The following KCNB2 variants were observed in gnomAD, a reference collection of about 807,000 sequenced individuals.
KCNB2 encodes the protein potassium voltage-gated channel subfamily B member 2, also known as delayed rectifier potassium channel protein.
Under a neutral mutation model 61.5 loss-of-function variants are expected in KCNB2, and 15 were observed. The observed-to-expected ratio is 0.24, with a 90% CI of 0.16 to 0.38. The LOEUF is 0.38. Among genes scored for constraint, KCNB2 ranks in the 10% least tolerant of loss-of-function variants. The pLI is 1.00. For missense variants in KCNB2, 828 were observed against 1,125.2 expected (o/e 0.74, Z 3.78); for synonymous variants, 457 against 446.0 (o/e 1.02, Z -0.31).
At chr8:72,802,565 C>CAAG (rs1473499382) in intron 2 of KCNB2, among the ~76,000 whole-genome samples, 15 of 152,208 alleles carry the variant, frequency 9.9e-5, no homozygotes, top group Non-Finnish European at 1.9e-4. Flanking sequence ...ATGTGTTTGG[C>CAAG]AATGTGCTAT....
chr8:72,630,798 C>T (rs1300452563), intron 2 of KCNB2, among the ~76,000 whole-genome samples: 1 of 152,146 alleles, frequency 6.6e-6, no homozygotes. Flanking sequence ...TACTAGCATG[C>T]ATTTTTTTTG....
intron 2 of KCNB2, among the ~76,000 whole-genome samples, chr8:72,652,116 C>A (rs1400126035): frequency 1.3e-5 from 2 of 152,148 alleles, no homozygotes; most frequent in Non-Finnish European, 2.9e-5. Flanking sequence ...GCTTCATTAG[C>A]CCATGCAATG....
At chr8:72,598,863 T>C (rs1436833254) in intron 2 of KCNB2, among the ~76,000 whole-genome samples, 1 of 152,128 alleles carries the variant, frequency 6.6e-6, no homozygotes, top group Non-Finnish European at 1.5e-5. Context: ...TCAAAGAGAA[T>C]ACAATACCTA....
At chr8:72,663,424 A>C (rs770417154) in intron 2 of KCNB2, among the ~76,000 whole-genome samples, 29 of 152,112 alleles carry the variant, frequency 1.9e-4, no homozygotes, top group Non-Finnish European at 4.1e-4. Context: ...TTAATTCTTC[A>C]GGCTGGAGTT....
chr8:72,557,249 A>G (rs1806444112), intron 1 of KCNB2, among the ~76,000 whole-genome samples: 2 of 152,162 alleles, frequency 1.3e-5, no homozygotes, highest in Admixed American at 1.3e-4. Context: ...ATTACTGCCC[A>G]GCATGTATTT....
At chr8:72,601,198 T>A (rs745604320) in intron 2 of KCNB2, among the ~76,000 whole-genome samples, 1 of 152,198 alleles carries the variant, frequency 6.6e-6, no homozygotes, top group African/African-American at 2.4e-5. Flanking sequence ...TCAGTAGGAA[T>A]TGACATACTT....
chr8:72,570,027 A>G (rs1789751536), intron 2 of KCNB2, among the ~76,000 whole-genome samples: 1 of 152,154 alleles, frequency 6.6e-6, no homozygotes, highest in Non-Finnish European at 1.5e-5. Context: ...ATTTCTCACA[A>G]GGATAGAATA....
At chr8:72,569,449 C>G (rs1250749866) in intron 2 of KCNB2, among the ~76,000 whole-genome samples, 1 of 152,010 alleles carries the variant, frequency 6.6e-6, no homozygotes, top group Non-Finnish European at 1.5e-5. Flanking sequence ...CATAAAACTG[C>G]TTTTTGTTTG....
chr8:72,656,515 T>A (rs1206033895), intron 2 of KCNB2, among the ~76,000 whole-genome samples: 14 of 152,200 alleles, frequency 9.2e-5, no homozygotes, highest in Non-Finnish European at 2.9e-5. Flanking sequence ...TTCATTGTAA[T>A]GTTAACTCAT....
chr8:72,755,824 C>T (rs1006687405), intron 2 of KCNB2, among the ~76,000 whole-genome samples: 14 of 152,134 alleles, frequency 9.2e-5, no homozygotes, highest in African/African-American at 7.2e-5. Flanking sequence ...ACAAGGAAAA[C>T]GGTTCCCCCA....
chr8:72,646,709 G>A (rs756822618), intron 2 of KCNB2, among the ~76,000 whole-genome samples: 23 of 152,086 alleles, frequency 1.5e-4, no homozygotes, highest in Non-Finnish European at 2.6e-4. Flanking sequence ...ATAGAATGGC[G>A]GGTATCAAGG....
At chr8:72,587,443 G>A (rs1585768452) in intron 2 of KCNB2, among the ~76,000 whole-genome samples, 1 of 152,176 alleles carries the variant, frequency 6.6e-6, no homozygotes, top group Non-Finnish European at 1.5e-5. Flanking sequence ...AAAATGTAGG[G>A]CCAGCTGCAG....
At position 72,555,914 on chromosome 8, in the gene KCNB2, C is replaced by T. The variant is rs148845914; in HGVS notation, c.-93-11728C>T. Among the ~76,000 whole-genome samples, 516 of 152,208 alleles carry T rather than the reference C, an allele frequency of 3.4e-3. 9 individuals are homozygous for T. Among genetic ancestry groups the T allele is most frequent in the Admixed American group, 0.023 (346 of 15,260 alleles). ...AAGGAAAATAGAATCCATAATTTCA[C>T]AACCCTTAACCACACTACTCCTTTC... On this transcript the variant is annotated intron_variant, in intron 1 of 2. Coordinates refer to ENST00000523207, the MANE Select transcript of KCNB2 (RefSeq NM_004770.3).
intron 2 of KCNB2, among the ~76,000 whole-genome samples, chr8:72,718,469 G>A (rs1464106667): frequency 6.6e-6 from 1 of 152,124 alleles, no homozygotes; most frequent in East Asian, 1.9e-4. Context: ...ATACACCATG[G>A]AATTCTATGC....
At chr8:72,585,915 G>A (rs534083270) in intron 2 of KCNB2, among the ~76,000 whole-genome samples, 75 of 152,306 alleles carry the variant, frequency 4.9e-4, no homozygotes, top group Non-Finnish European at 9.4e-4. Context: ...CAGTTTGAAA[G>A]ACAGTAGTTT....
At chr8:72,685,967 C>T (rs1356700369) in intron 2 of KCNB2, among the ~76,000 whole-genome samples, 1 of 152,108 alleles carries the variant, frequency 6.6e-6, no homozygotes, top group Non-Finnish European at 1.5e-5. Flanking sequence ...CCAGCCTGGG[C>T]AACAAGAGTG....
chr8:72,918,567 G>A (rs1407046065), intron 2 of KCNB2, among the ~76,000 whole-genome samples: 5 of 152,138 alleles, frequency 3.3e-5, no homozygotes, highest in African/African-American at 1.2e-4. Context: ...TCAGATCTGG[G>A]AAAATTCCTA....
chr8:72,583,366 G>A (rs570622927), intron 2 of KCNB2, among the ~76,000 whole-genome samples: 1 of 151,970 alleles, frequency 6.6e-6, no homozygotes, highest in Non-Finnish European at 1.5e-5. Flanking sequence ...TAATTGCTAA[G>A]AGTAAAATTG....
chr8:72,716,670 A>G (rs1163195585), intron 2 of KCNB2, among the ~76,000 whole-genome samples: 1 of 152,194 alleles, frequency 6.6e-6, no homozygotes, highest in Non-Finnish European at 1.5e-5. Context: ...TCTCAAAATA[A>G]TAAGAGCTAT....
Sources: allele counts gnomAD v4.1 joint callset (sites outside exome capture counted in the v4.1 genomes callset), GRCh38; gene constraint gnomAD v4.1.1; transcripts MANE v1.5; gene names NCBI Gene and HGNC (gene_info 2026-07-23, HGNC 2026-07-21).